The following PSMD10 variants were observed in gnomAD, a reference collection of about 807,000 sequenced individuals.
PSMD10 encodes the protein 26S proteasome non-ATPase regulatory subunit 10.
Under a neutral mutation model 13.2 loss-of-function variants are expected in PSMD10, and 2 were observed. The observed-to-expected ratio is 0.15, with a 90% CI of 0.06 to 0.48. The LOEUF (loss-of-function observed/expected upper bound fraction) is 0.48. PSMD10 is among the 20% of genes least tolerant of loss of function. The pLI is 0.97. For synonymous variants in PSMD10, 66 were observed against 64.4 expected (o/e 1.03, Z -0.12); for missense variants, 120 against 167.4 (o/e 0.72, Z 1.56).
chrX:108,086,270 A>G (rs1277659262), intron 4 of PSMD10, among the ~76,000 whole-genome samples: 1 of 111,693 alleles, frequency 9.0e-6, no homozygotes, highest in Non-Finnish European at 1.9e-5. Context: ...TCAATTACAG[A>G]TGGATTTTAA....
At chrX:108,091,010 C>G (rs1490023901) in intron 1 of PSMD10, among the ~76,000 whole-genome samples, 1 of 113,208 alleles carries the variant, frequency 8.8e-6, no homozygotes, top group African/African-American at 3.2e-5. Flanking sequence ...TCTTCCACTC[C>G]ACCGTATCCC....
intron 1 of PSMD10, among the ~76,000 whole-genome samples, chrX:108,090,927 T>C (rs1241942051): frequency 4.5e-5 from 5 of 111,320 alleles, no homozygotes; most frequent in African/African-American, 1.6e-4. Context: ...GAAAGCACCA[T>C]GTAAACTTCT....
chrX:108,085,342 G>A (rs2031483896), intron 4 of PSMD10, among the ~76,000 whole-genome samples: 1 of 112,199 alleles, frequency 8.9e-6, no homozygotes, highest in African/African-American at 3.2e-5. Context: ...TCATAATTCT[G>A]GTTCTACTTA....
chrX:108,089,772 G>C (rs1476628999), intron 1 of PSMD10, among the ~76,000 whole-genome samples: 5 of 111,342 alleles, frequency 4.5e-5, no homozygotes, highest in Non-Finnish European at 9.4e-5. Flanking sequence ...GGCAGAGGTT[G>C]CAGTGAGGTG....
chrX:108,090,960 T>C (rs2031595948), intron 1 of PSMD10, among the ~76,000 whole-genome samples: 1 of 112,956 alleles, frequency 8.9e-6, no homozygotes, highest in African/African-American at 3.2e-5. Context: ...TACCACAATT[T>C]GTAATCGGAC....
chrX:108,088,609 G>T, intron 2 of PSMD10, 143 bp downstream of exon 2: 1 of 466,614 alleles, frequency 2.1e-6, no homozygotes, highest in Non-Finnish European at 3.8e-6. Flanking sequence ...TCTCATGCTT[G>T]ATCACAAGGG....
chrX:108,087,936 C>T lies in PSMD10; in HGVS notation c.360+17G>A. ...ACGTTTAGAACTCAACAGAAGTAGC[C>T]TAGGATGGAACCATACCTCATGCCT... On this transcript the variant is annotated intron_variant, in intron 3 of 4. Transcript: ENST00000217958. The T allele has an allele frequency of 8.3e-7, 1 of 1,211,684 alleles. No individual in the cohort carries two copies. Among genetic ancestry groups the T allele is most frequent in the South Asian group, 1.8e-5 (1 of 57,002 alleles).
At chrX:108,086,902 T>C (rs1442149440) in intron 4 of PSMD10, 1 of 111,395 alleles carries the variant, frequency 9.0e-6, no homozygotes, top group Non-Finnish European at 1.9e-5. Context: ...TCATCAGAAA[T>C]GTGGCCAAAA....
rs1196188457 is a variant in PSMD10, at chrX:108,088,606, C to T, written c.213+146G>A. ...AAATAATGCAACCATGAGTCTCATG[C>T]TTGATCACAAGGGCCATGATGTAAC... On this transcript the variant is annotated intron_variant, in intron 2 of 4. Coordinates refer to ENST00000217958, the MANE Select transcript of PSMD10 (RefSeq NM_002814.4). The T allele has an allele frequency of 6.4e-6, 3 of 465,843 alleles. No homozygotes were observed. In the African/African-American group the frequency reaches 7.2e-5, roughly 11 times the overall value. The allele number at this position is 465,843 out of a possible 1,213,427, so 38.4% of individuals were successfully genotyped here.
intron 1 of PSMD10, among the ~76,000 whole-genome samples, chrX:108,089,545 A>T (rs761376074): frequency 2.7e-5 from 3 of 112,797 alleles, no homozygotes; most frequent in East Asian, 2.8e-4. Context: ...AAAAAATAAT[A>T]AGCTATGGCC....
intron 2 of PSMD10, among the ~76,000 whole-genome samples, chrX:108,088,324 A>G (rs1039379786): frequency 5.3e-5 from 6 of 112,403 alleles, no homozygotes; most frequent in Non-Finnish European, 1.1e-4. Context: ...TATTCAGGCC[A>G]TGTTCACCAA....
At chrX:108,090,179 C>A (rs754090276) in intron 1 of PSMD10, among the ~76,000 whole-genome samples, 31 of 112,182 alleles carry the variant, frequency 2.8e-4, no homozygotes, top group Non-Finnish European at 3.6e-4. Flanking sequence ...AACTATGAGA[C>A]CATTATTACA....
chrX:108,087,201 T>C (rs927329062), intron 4 of PSMD10: 4 of 112,435 alleles, frequency 3.6e-5, no homozygotes, highest in African/African-American at 1.3e-4. Flanking sequence ...GTGCTGGGAT[T>C]ACAGACATGA....
At chrX:108,088,592 C>A (rs1257518190) in intron 2 of PSMD10, 160 bp downstream of exon 2, 3 of 452,619 alleles carry the variant, frequency 6.6e-6, no homozygotes, top group African/African-American at 4.8e-5. Flanking sequence ...AATAATGCAA[C>A]CATGAGTCTC....
At chrX:108,087,454 A>G (rs1231011292) in intron 4 of PSMD10, 1 of 376,618 alleles carries the variant, frequency 2.7e-6, no homozygotes, top group Non-Finnish European at 4.3e-6. Context: ...TATAAAATAT[A>G]TACATTTGAA....
chrX:108,091,398 T>G lies in PSMD10; in HGVS notation c.114+9A>C. 8.3e-7 allele frequency: 1 copy of G among 1,205,612 alleles called. No homozygotes were observed. Among genetic ancestry groups the G allele is most frequent in the Non-Finnish European group, 1.1e-6 (1 of 889,493 alleles). ...TCGCCGACTGCGGAGAGACCTAGCGTTGCTTTACCTGGTCAGTTCTAGTAG... is the reference window on the plus strand; with the variant it reads ...TCGCCGACTGCGGAGAGACCTAGCGGTGCTTTACCTGGTCAGTTCTAGTAG... On this transcript the variant is annotated intron_variant, in intron 1 of 4. Transcript: ENST00000217958.
chrX:108,087,531 G>A, intron 4 of PSMD10, 155 bp downstream of exon 4: 3 of 770,142 alleles, frequency 3.9e-6, no homozygotes, highest in Non-Finnish European at 5.4e-6. Flanking sequence ...CAAGATAATA[G>A]GCAATTTTTA....
chrX:108,091,118 G>A (rs1029945197), intron 1 of PSMD10, among the ~76,000 whole-genome samples: 7 of 113,642 alleles, frequency 6.2e-5, no homozygotes, highest in Non-Finnish European at 1.3e-4. Flanking sequence ...CATATAAAAA[G>A]CCTTCCTTTT....
At chrX:108,088,966 C>T in intron 1 of PSMD10, 116 bp from the exon 2 acceptor site, 1 of 503,699 alleles carries the variant, frequency 2.0e-6, no homozygotes, top group Non-Finnish European at 3.3e-6. Flanking sequence ...GCACTGGATC[C>T]TCAGGTAGGT....
Sources: gnomAD v4.1 joint callset for allele counts (sites outside exome capture counted in the v4.1 genomes callset) on GRCh38, gnomAD v4.1.1 for gene constraint, MANE v1.5 for transcripts, NCBI Gene and HGNC (gene_info 2026-07-23, HGNC 2026-07-21) for gene names.